LMLN: variants seen among roughly 807,000 people sequenced by gnomAD.
LMLN encodes leishmanolysin like peptidase, also known as leishmanolysin-like peptidase.
In LMLN, 70 loss-of-function variants were observed where a neutral mutation model predicts 92.3. The ratio of observed to expected loss-of-function variants is 0.76; its 90% CI spans 0.63 to 0.92. The LOEUF (loss-of-function observed/expected upper bound fraction) is 0.92. Ranked by LOEUF, LMLN falls within the 40% of genes least tolerant of loss-of-function variation. The pLI, the probability that LMLN is intolerant of heterozygous loss-of-function variation, is 0.00. For missense variants in LMLN, 691 were observed against 814.6 expected (o/e 0.85, Z 1.85); for synonymous variants, 308 against 296.2 (o/e 1.04, Z -0.41).
chr3:197,982,567 AT>A (rs1721590867), intron 6 of LMLN, among the ~76,000 whole-genome samples: 1 of 152,076 alleles, frequency 6.6e-6, no homozygotes. Flanking sequence ...TTCCTTCACA[AT>A]TGCTATATTG....
At chr3:197,993,045 T>A (rs183854151) in intron 9 of LMLN, among the ~76,000 whole-genome samples, 1 of 152,262 alleles carries the variant, frequency 6.6e-6, no homozygotes, top group Admixed American at 6.5e-5. Context: ...TACGATCATC[T>A]CAATAGATGC....
At chr3:198,022,081 CA>C (rs1393098204) in intron 13 of LMLN, among the ~76,000 whole-genome samples, 3 of 152,296 alleles carry the variant, frequency 2.0e-5, no homozygotes, top group African/African-American at 7.2e-5. Context: ...CCTCCAATGC[CA>C]TCCTCTTTTT....
chr3:197,978,636 C>T lies in LMLN; in HGVS notation c.550-1690C>T, dbSNP rs554565694. Among the ~76,000 whole-genome samples, 13 of 152,106 alleles carry T rather than the reference C, an allele frequency of 8.5e-5. No homozygotes were observed. In the South Asian group the frequency reaches 2.7e-3, roughly 32 times the overall value. ...TGGGTGACAGAGTGAGACCCTGTCT[C>T]AAAAATAATTAGATAAATAATAATA... On this transcript the variant is annotated intron_variant, in intron 5 of 15. Transcript: ENST00000330198.
In LMLN at chr3:198,034,812, TG is replaced by T. The variant is rs1462825712; in HGVS notation, c.1657-1020del. 7.2e-5 allele frequency among the ~76,000 whole-genome samples: 11 copies of T among 152,294 alleles called. No homozygotes were observed. In the East Asian group the frequency reaches 1.9e-3, roughly 27 times the overall value. On this transcript the variant is annotated intron_variant, in intron 14 of 15. Transcript: ENST00000330198. ...AGCATTTAGGGTTAGGGAGAAAGAA[TG>T]AAGAACTTGTGCTGTGTGGCGTTTC...
chr3:198,035,787 C>T (rs533489442), intron 14 of LMLN, 46 bp from the exon 16 acceptor site: 1 of 1,364,970 alleles, frequency 7.3e-7, no homozygotes, highest in African/African-American at 1.5e-5. Flanking sequence ...ATCTTACTGA[C>T]CTGATATTTA....
chr3:198,028,140 C>T (rs1439652546), intron 14 of LMLN, among the ~76,000 whole-genome samples: 1 of 152,236 alleles, frequency 6.6e-6, no homozygotes, highest in South Asian at 2.1e-4. Flanking sequence ...TTGGTACAAT[C>T]GATGAACCCA....
rs928065329 is a variant in LMLN at position 197,964,729 on chromosome 3, C to T, written c.219+4289C>T. Reference sequence around the variant, plus strand: ...GTTTTTTAAGAGACAGGGTCTTGGTCGGGTGCAGTGGCTCATGCCTGTAAT... The same window carrying T: ...GTTTTTTAAGAGACAGGGTCTTGGTTGGGTGCAGTGGCTCATGCCTGTAAT... On this transcript the variant is annotated intron_variant, in intron 1 of 15. Coordinates refer to ENST00000330198, the Ensembl canonical transcript of LMLN. Among the ~76,000 whole-genome samples the T allele has an allele frequency of 4.4e-4, 64 of 145,764 alleles. 1 individual carries two copies. The highest frequency in any genetic ancestry group is 2.7e-4 in the Admixed American group (4 of 14,616).
exon 6 of LMLN, chr3:197,980,387 A>G (rs1200333800): frequency 6.2e-7 from 1 of 1,613,956 alleles, no homozygotes; most frequent in African/African-American, 1.3e-5. Flanking sequence ...CCAGACCAAG[A>G]AGGCATCTCA....
intron 8 of LMLN, among the ~76,000 whole-genome samples, chr3:197,986,854 T>G (rs1374991407): frequency 8.5e-6 from 1 of 117,924 alleles, no homozygotes; most frequent in African/African-American, 6.3e-5. Flanking sequence ...CTTTTTTTTT[T>G]TTTTTGAGAC....
chr3:198,009,714 T>G (rs1722382648), intron 11 of LMLN, among the ~76,000 whole-genome samples: 1 of 152,220 alleles, frequency 6.6e-6, no homozygotes. Context: ...GGTAACATGT[T>G]TTTTAAGGAA....
rs536702428 is a variant in LMLN, at chr3:197,991,205, G to A, written c.1047+529G>A. On this transcript the variant is annotated intron_variant, in intron 9 of 15. Coordinates refer to ENST00000330198, the Ensembl canonical transcript of LMLN. ...TGCAACCTCTGTCTCCTGCGCCAAA[G>A]TGATCCTCCTACTTCTGCCTCCCGA... Among the ~76,000 whole-genome samples the A allele has an allele frequency of 2.0e-5, 3 of 150,544 alleles. No individual in the cohort carries two copies. The East Asian group carries it at 5.8e-4, about 29-fold the overall frequency.
Position 198,021,422 on chromosome 3 carries a change from G to GTC in LMLN, c.1366-22_1366-21dup, listed in dbSNP as rs571923156. 5,581 of 1,608,590 alleles carry GTC rather than the reference G, an allele frequency of 3.5e-3. 11 individuals carry two copies. Among genetic ancestry groups the GTC allele is most frequent in the Middle Eastern group, 5.5e-3 (33 of 6,042 alleles). ...TATACAGAATGTTTCTTACTTTCTT[G>GTC]TCTTCCCAATATTTTTTCTGCAGTA... On this transcript the variant is annotated intron_variant, in intron 12 of 15. Coordinates refer to ENST00000330198, the Ensembl canonical transcript of LMLN.
chr3:198,034,953 G>T (rs1723171676), intron 14 of LMLN, among the ~76,000 whole-genome samples: 1 of 152,166 alleles, frequency 6.6e-6, no homozygotes, highest in South Asian at 2.1e-4. Flanking sequence ...CCAACACTTT[G>T]GGAGGCCAGG....
chr3:198,018,465 C>T (rs936678872), intron 11 of LMLN, among the ~76,000 whole-genome samples: 4 of 152,188 alleles, frequency 2.6e-5, no homozygotes, highest in Non-Finnish European at 5.9e-5. Flanking sequence ...ACCTGTGTGA[C>T]GACTTCAAAG....
intron 2 of LMLN, 54 bp from the exon 3 acceptor site, chr3:197,974,988 C>T: frequency 8.5e-7 from 1 of 1,171,618 alleles, no homozygotes; most frequent in Non-Finnish European, 1.3e-6. Flanking sequence ...TTCTTGATTA[C>T]ATGTGCTATG....
chr3:198,017,655 A>G (rs558514889), intron 11 of LMLN, among the ~76,000 whole-genome samples: 1 of 152,274 alleles, frequency 6.6e-6, no homozygotes, highest in South Asian at 2.1e-4. Flanking sequence ...ATGGTGGCCC[A>G]TGACCGTAAT....
At chr3:197,982,124 G>A (rs770629002) in intron 6 of LMLN, among the ~76,000 whole-genome samples, 2 of 151,700 alleles carry the variant, frequency 1.3e-5, no homozygotes, top group Non-Finnish European at 2.9e-5. Context: ...TGTTTTGACC[G>A]ATAGATGGAT....
At chr3:197,962,767 CTTT>C (rs200108423) in intron 1 of LMLN, among the ~76,000 whole-genome samples, 17 of 135,392 alleles carry the variant, frequency 1.3e-4, no homozygotes, top group Middle Eastern at 3.8e-3. Context: ...GATCAATATC[CTTT>C]TTTTTTTTTT....
At chr3:197,976,242 A>G (rs1183581698) in intron 4 of LMLN, 131 bp downstream of exon 4, 6 of 552,520 alleles carry the variant, frequency 1.1e-5, no homozygotes, top group Admixed American at 7.4e-5. Context: ...CCTAACTGCA[A>G]GGTATTTAAA....
Sources: allele counts gnomAD v4.1 joint callset (sites outside exome capture counted in the v4.1 genomes callset), GRCh38; gene constraint gnomAD v4.1.1; transcripts MANE v1.5; gene names NCBI Gene and HGNC (gene_info 2026-07-23, HGNC 2026-07-21).